CDH1: variants seen among roughly 807,000 people sequenced by gnomAD.
CDH1 encodes cadherin 1, also known as cadherin-1.
In CDH1, 35 loss-of-function variants were observed where a neutral mutation model predicts 84.5. The ratio of observed to expected loss-of-function variants is 0.41; its 90% CI spans 0.32 to 0.55. The LOEUF (loss-of-function observed/expected upper bound fraction) is 0.55. Ranked by LOEUF, CDH1 falls within the 20% of genes least tolerant of loss-of-function variation. The pLI, the probability that CDH1 is intolerant of heterozygous loss-of-function variation, is 0.19. For synonymous variants in CDH1, 417 were observed against 439.0 expected (o/e 0.95, Z 0.63); for missense variants, 994 against 1,126.6 (o/e 0.88, Z 1.68).
chr16:68,801,526 T>C (rs897598142), intron 2 of CDH1, 144 bp from the exon 3 acceptor site: 4 of 751,932 alleles, frequency 5.3e-6, no homozygotes, highest in Non-Finnish European at 9.8e-6. Context: ...TGGTGATAGC[T>C]TTGTTGTTCT....
chr16:68,802,005 G>A, intron 3 of CDH1, 112 bp downstream of exon 3: 2 of 888,234 alleles, frequency 2.3e-6, no homozygotes, highest in East Asian at 2.6e-5. Context: ...TGTGTTGTAG[G>A]GGTTGTCCTG....
chr16:68,823,362 C>A, intron 12 of CDH1, 37 bp from the exon 13 acceptor site: 1 of 1,422,416 alleles, frequency 7.0e-7, no homozygotes. Context: ...TATTTTCCTC[C>A]CCTGGTCTCA....
chr16:68,779,038 A>T (rs1211913172), intron 2 of CDH1, among the ~76,000 whole-genome samples: 2 of 152,198 alleles, frequency 1.3e-5, no homozygotes, highest in Non-Finnish European at 2.9e-5. Flanking sequence ...CAGGGCCAAA[A>T]AGCCCTATCA....
intron 2 of CDH1, among the ~76,000 whole-genome samples, chr16:68,786,301 A>G (rs1234979744): frequency 3.3e-5 from 5 of 151,868 alleles, no homozygotes. Context: ...CCTCCCAAGT[A>G]GCTGGGATTA....
chr16:68,758,207 C>CTTTTTTTTTTTTT (rs57413297), intron 2 of CDH1, among the ~76,000 whole-genome samples: 13 of 40,046 alleles, frequency 3.2e-4, no homozygotes, highest in Non-Finnish European at 4.7e-4. Context: ...CTTTTTATTT[C>CTTTTTTTTTTTTT]TTTTTTTTTT....
chr16:68,821,971 C>T (rs1049188784), intron 11 of CDH1, 30 bp from the exon 12 acceptor site: 2 of 1,566,078 alleles, frequency 1.3e-6, no homozygotes, highest in African/African-American at 2.7e-5. Flanking sequence ...TGTTGCCAAG[C>T]TGCCACATTT....
In CDH1 at chr16:68,803,030, C is replaced by T. The variant is rs372440422; in HGVS notation, c.387+1137C>T. Among the ~76,000 whole-genome samples, 18 of 152,224 alleles carry T rather than the reference C, an allele frequency of 1.2e-4. No individual in the cohort carries two copies. The South Asian group carries it at 2.5e-3, about 21-fold the overall frequency. ...AGGAATGTTTCTAGGGGTTGTTATT[C>T]GAAGCCAGTTTCTCAAGTGCTCCCG... is the stretch of plus-strand genomic sequence containing the variant. On this transcript the variant is annotated intron_variant, in intron 3 of 15. Coordinates refer to ENST00000261769, the MANE Select transcript of CDH1 (RefSeq NM_004360.5).
chr16:68,737,293 G>A lies in CDH1; in HGVS notation c.-123G>A. The A allele has an allele frequency of 2.7e-6, 2 of 750,834 alleles. No individual in the cohort carries two copies. Among genetic ancestry groups the A allele is most frequent in the South Asian group, 3.6e-5 (2 of 55,646 alleles). 46.5% of individuals were successfully genotyped at this position (750,834 alleles called of 1,614,324 possible). On this transcript the variant is annotated 5_prime_UTR_variant, in exon 1 of 16. It adds an upstream start codon to the 5' untranslated region. Coordinates refer to ENST00000261769, the MANE Select transcript of CDH1 (RefSeq NM_004360.5). ...GGCTGCAGCCACGCACCCCCTCTCA[G>A]TGGCGTCGGAACTGCAAAGCACCTG...
intron 2 of CDH1, among the ~76,000 whole-genome samples, chr16:68,762,037 A>C (rs1959234278): frequency 6.6e-6 from 1 of 152,124 alleles, no homozygotes; most frequent in African/African-American, 2.4e-5. Flanking sequence ...TAGCATGGGC[A>C]CTGGCCTGCC....
chr16:68,772,055 G>A (rs1959594268), intron 2 of CDH1, among the ~76,000 whole-genome samples: 1 of 152,246 alleles, frequency 6.6e-6, no homozygotes, highest in African/African-American at 2.4e-5. Flanking sequence ...TAGTTGATAA[G>A]TGGATCTGGG....
chr16:68,761,216 G>C (rs555661686), intron 2 of CDH1, among the ~76,000 whole-genome samples: 1 of 152,334 alleles, frequency 6.6e-6, no homozygotes, highest in East Asian at 1.9e-4. Flanking sequence ...GGAGAACTTG[G>C]AGAACCCGGA....
chr16:68,805,900 C>T (rs1024069947), intron 3 of CDH1, among the ~76,000 whole-genome samples: 51 of 151,930 alleles, frequency 3.4e-4, no homozygotes, highest in African/African-American at 1.2e-3. Context: ...CAGGCCTGGC[C>T]AAGGTGGCTG....
At position 68,811,819 on chromosome 16, in the gene CDH1, C is replaced by G. The variant is rs1487750656; in HGVS notation, c.968C>G (p.Thr323Arg). The G allele has an allele frequency of 6.2e-7, 1 of 1,614,042 alleles. No homozygotes were observed. Among genetic ancestry groups the G allele is most frequent in the African/African-American group, 1.3e-5 (1 of 74,912 alleles). The change falls in exon 7 of 16, where the codon ACA becomes AGA. Residue 323 changes from threonine (T) to arginine (R), a missense_variant. Thr to Arg is a moderately conservative substitution (Grantham distance 71, BLOSUM62 -1). Around this residue, in one of 3 missense-constraint regions of CDH1, gnomAD observed 769 missense variants for 881.8 expected, o/e 0.87. Coordinates refer to ENST00000261769, the MANE Select transcript of CDH1 (RefSeq NM_004360.5). ...AATATGTTCACCATTAACAGGAACA[C>G]AGGAGTCATCAGTGTGGTCACCACT... ...DKNMFTINRN[T>R]GVISVVTTGL...
chr16:68,818,270 G>T (rs974383405), intron 10 of CDH1, among the ~76,000 whole-genome samples: 3 of 147,476 alleles, frequency 2.0e-5, no homozygotes, highest in Middle Eastern at 3.5e-3. Flanking sequence ...GAAAAAAAAA[G>T]AAAATCAAAT....
At chr16:68,748,737 C>T (rs1476298136) in intron 2 of CDH1, among the ~76,000 whole-genome samples, 2 of 152,182 alleles carry the variant, frequency 1.3e-5, no homozygotes, top group African/African-American at 2.4e-5. Context: ...TGCACATCAG[C>T]GTTTAGAGAC....
intron 2 of CDH1, among the ~76,000 whole-genome samples, chr16:68,752,390 C>G (rs1456695076): frequency 6.6e-6 from 1 of 152,216 alleles, no homozygotes; most frequent in East Asian, 1.9e-4. Flanking sequence ...TCTCCTCCCA[C>G]TAGAACAGAA....
chr16:68,754,271 C>G (rs1163300515), intron 2 of CDH1, among the ~76,000 whole-genome samples: 1 of 151,878 alleles, frequency 6.6e-6, no homozygotes. Context: ...ATTAGCCAGG[C>G]CTGGTGGCAT....
chr16:68,810,886 T>G (rs1399825678), intron 6 of CDH1, among the ~76,000 whole-genome samples: 1 of 151,800 alleles, frequency 6.6e-6, no homozygotes, highest in Admixed American at 6.6e-5. Flanking sequence ...AAATTTTTTT[T>G]TCAGAGACAG....
At chr16:68,801,165 G>C (rs1287900042) in intron 2 of CDH1, among the ~76,000 whole-genome samples, 2 of 152,168 alleles carry the variant, frequency 1.3e-5, no homozygotes, top group East Asian at 3.8e-4. Flanking sequence ...AGGCTGGAGT[G>C]CAGTGGCGCA....
Sources: gnomAD v4.1 joint callset for allele counts (sites outside exome capture counted in the v4.1 genomes callset) on GRCh38, gnomAD v4.1.1 for gene constraint, gnomAD v4.1.1 regional missense constraint, MANE v1.5 for transcripts, NCBI Gene and HGNC (gene_info 2026-07-23, HGNC 2026-07-21) for gene names.